CD109: variants seen among roughly 807,000 people sequenced by gnomAD.
The protein encoded by CD109 is CD109 molecule.
A neutral mutation model predicts 165.8 loss-of-function variants in CD109; 149 were observed. The observed-to-expected ratio is 0.90, with a 90% CI of 0.79 to 1.03. CD109 has a LOEUF of 1.03. Among genes scored for constraint, CD109 ranks in the 50% least tolerant of loss-of-function variants. The probability of loss-of-function intolerance (pLI) is 0.00; values close to 1 mark genes in which losing one functional copy is unlikely to be tolerated. For synonymous variants in CD109, 585 were observed against 592.1 expected, an observed-to-expected ratio of 0.99 and a Z score of 0.18; for missense variants, 1,712 against 1,677.8, an observed-to-expected ratio of 1.02 and a Z score of -0.36.
chr6:73,736,864 C>T (rs958986479), intron 5 of CD109, among the ~76,000 whole-genome samples: 2 of 152,180 alleles, frequency 1.3e-5, no homozygotes, highest in Non-Finnish European at 2.9e-5. Context: ...AATAATGACT[C>T]CTAATGAGTG....
rs142754170 is a variant in CD109, at chr6:73,730,111, A to C, written c.277-233A>C. ...AAGGTGACTCCTGCTGAGGGAGAGC[A>C]GTGGGCTATGTGTCCCCCATTCCAG... On this transcript the variant is annotated intron_variant, in intron 3 of 32. Coordinates refer to ENST00000287097, the MANE Select transcript of CD109 (RefSeq NM_133493.5). Among the ~76,000 whole-genome samples the C allele has an allele frequency of 2.3e-3, 347 of 152,318 alleles. 2 individuals are homozygous for C. Among genetic ancestry groups the C allele is most frequent in the Admixed American group, 5.8e-3 (89 of 15,300 alleles).
rs191144108 is a variant in CD109, at chr6:73,765,580, G to C, written c.1108-350G>C. The stretch of plus-strand genomic sequence containing the variant: ...TACAATCACAGAGATGACAAGCTAA[G>C]CAATAGGATTGCTGAGACCTTGGAG... On this transcript the variant is annotated intron_variant, in intron 10 of 32. Transcript: ENST00000287097. Among the ~76,000 whole-genome samples, 258 of 152,202 alleles carry C rather than the reference G, an allele frequency of 1.7e-3. 1 individual carries two copies. Among genetic ancestry groups the C allele is most frequent in the Middle Eastern group, 0.014 (4 of 294 alleles).
intron 23 of CD109, among the ~76,000 whole-genome samples, chr6:73,801,216 G>A (rs924265518): frequency 3.9e-5 from 6 of 152,238 alleles, no homozygotes; most frequent in African/African-American, 1.4e-4. Flanking sequence ...CCTGTTAGCT[G>A]TGTGACCATG....
At chr6:73,760,799 C>T (rs1470174325) in intron 7 of CD109, among the ~76,000 whole-genome samples, 4 of 151,992 alleles carry the variant, frequency 2.6e-5, no homozygotes, top group Non-Finnish European at 5.9e-5. Context: ...GACCCTAGAT[C>T]GCACCACTGC....
chr6:73,782,512 C>T lies in CD109; in HGVS notation c.1964-102C>T, dbSNP rs1774544134. 3.5e-6 allele frequency: 4 copies of T among 1,143,406 alleles called. No homozygotes were observed. The South Asian group carries it at 5.9e-5, about 17-fold the overall frequency. The allele number at this position is 1,143,406 out of a possible 1,614,324, so 70.8% of individuals were successfully genotyped here. On this transcript the variant is annotated intron_variant, in intron 17 of 32. Coordinates refer to ENST00000287097, the MANE Select transcript of CD109 (RefSeq NM_133493.5). Reference sequence around the variant, plus strand: ...TGATACTCTCACTGGCACATTATGTCTCTGGACACCTCAAGTGATTGACAT... The same window carrying T: ...TGATACTCTCACTGGCACATTATGTTTCTGGACACCTCAAGTGATTGACAT...
chr6:73,723,536 A>G (rs1282061235), intron 3 of CD109, among the ~76,000 whole-genome samples: 2 of 152,218 alleles, frequency 1.3e-5, no homozygotes, highest in African/African-American at 4.8e-5. Flanking sequence ...GGCCTGGACT[A>G]TTAGCACAGA....
intron 5 of CD109, among the ~76,000 whole-genome samples, chr6:73,737,966 A>C (rs1772609824): frequency 6.6e-6 from 1 of 151,974 alleles, no homozygotes; most frequent in Admixed American, 6.6e-5. Flanking sequence ...CTATCCACCC[A>C]CCCACCCACC....
intron 2 of CD109, 120 bp downstream of exon 2, chr6:73,697,692 CT>C: frequency 1.4e-6 from 1 of 722,206 alleles, no homozygotes; most frequent in Non-Finnish European, 2.2e-6. Context: ...ACCTAATATA[CT>C]TTTAATTCTC....
chr6:73,740,617 TC>T (rs67792014), intron 5 of CD109, among the ~76,000 whole-genome samples: 42,129 of 146,980 alleles, frequency 0.29, 6,250 homozygotes, highest in Admixed American at 0.34. Flanking sequence ...TTTTTTTTTT[TC>T]GAGACAGAGT....
rs1776272429 is a variant in CD109, at chr6:73,826,215, A to AG, written c.*2583dup. The AG allele has an allele frequency of 6.6e-6, 1 of 152,212 alleles. No homozygotes were observed. Among genetic ancestry groups the AG allele is most frequent in the South Asian group, 2.1e-4 (1 of 4,824 alleles). 9.4% of individuals were successfully genotyped at this position (152,212 alleles called of 1,614,324 possible). ...TGATTAAAATACCACAGGCATAAGGAGAAAAGGAGTATATGTAGTAGTAAT... is the reference window on the plus strand; with the variant it reads ...TGATTAAAATACCACAGGCATAAGGAGGAAAAGGAGTATATGTAGTAGTAAT... On this transcript the variant is annotated 3_prime_UTR_variant, in exon 33 of 33. Transcript: ENST00000287097.
intron 14 of CD109, 36 bp from the exon 15 acceptor site, chr6:73,771,393 G>A (rs557217293): frequency 1.3e-6 from 2 of 1,559,528 alleles, no homozygotes; most frequent in South Asian, 1.2e-5. Context: ...CTTTAAAAAA[G>A]TGAAATAAGT....
chr6:73,807,521 G>A (rs1005479505), intron 25 of CD109, among the ~76,000 whole-genome samples: 1 of 152,154 alleles, frequency 6.6e-6, no homozygotes, highest in Non-Finnish European at 1.5e-5. Flanking sequence ...TGTGTTGAAT[G>A]GGCATGGATG....
intron 3 of CD109, among the ~76,000 whole-genome samples, chr6:73,727,678 A>C (rs1332945929): frequency 6.6e-6 from 1 of 152,142 alleles, no homozygotes; most frequent in East Asian, 1.9e-4. Context: ...CATTAATTTG[A>C]CATCAGTCTT....
chr6:73,723,758 G>A (rs1772040924), intron 3 of CD109, among the ~76,000 whole-genome samples: 1 of 152,110 alleles, frequency 6.6e-6, no homozygotes, highest in Non-Finnish European at 1.5e-5. Context: ...GAGGGAGGGA[G>A]GAGGGAGAGG....
In CD109 at chr6:73,766,787, T is replaced by C. The variant is rs762719367; in HGVS notation, c.1361T>C (p.Met454Thr). The stretch of plus-strand genomic sequence containing the variant: ...TATTTCCTTGGTAGTAAAAGTAGCA[T>C]GGCAGTTCATAGTCTGTTTAAGTCT... ...KAYFLGSKSS[M>T]AVHSLFKSPS... is the part of the protein sequence containing the mutation. Residue 454 changes from methionine to threonine, a missense_variant, in exon 12 of 33, where the codon ATG (methionine) becomes ACG (threonine). By Grantham distance (81) the Met-to-Thr change is moderately conservative (BLOSUM62 -1). Coordinates refer to ENST00000287097, the MANE Select transcript of CD109 (RefSeq NM_133493.5). 1.2e-6 allele frequency: 2 copies of C among 1,612,920 alleles called. No homozygotes were observed. The highest frequency in any genetic ancestry group is 2.2e-5 in the East Asian group (1 of 44,772).
At chr6:73,788,376 A>G in intron 21 of CD109, 92 bp from the exon 22 acceptor site, 1 of 1,113,426 alleles carries the variant, frequency 9.0e-7, no homozygotes, top group Non-Finnish European at 1.3e-6. Flanking sequence ...CCTCAGACAC[A>G]ACAGGTCAGA....
chr6:73,745,222 C>T (rs1344570383), intron 5 of CD109, among the ~76,000 whole-genome samples: 1 of 152,154 alleles, frequency 6.6e-6, no homozygotes, highest in Non-Finnish European at 1.5e-5. Flanking sequence ...CTGCCTTAGC[C>T]TCCTGAGTAG....
intron 2 of CD109, among the ~76,000 whole-genome samples, chr6:73,701,109 CT>C (rs138353822): frequency 0.06 from 7,723 of 129,062 alleles, 205 homozygotes; most frequent in African/African-American, 0.086. Context: ...CGATTATGGG[CT>C]TTTTTTTTTT....
chr6:73,806,968 G>T lies in CD109; in HGVS notation c.3085G>T (p.Asp1029Tyr). Residue 1029 changes from aspartate to tyrosine, a missense_variant, in exon 25 of 33, where the codon GAT becomes TAT. By Grantham distance (160) the Asp-to-Tyr change is radical (BLOSUM62 -3). Coordinates refer to ENST00000287097, the MANE Select transcript of CD109 (RefSeq NM_133493.5). ...GHQKSNGEFW[D>Y]PGRVIHSELQ... ...TCAGAAATCCAACGGTGAATTTTGG[G>T]ATCCAGGAAGAGTGATTCATAGTGA... 5.0e-6 allele frequency: 8 copies of T among 1,613,992 alleles called. No homozygotes were observed. The highest frequency in any genetic ancestry group is 2.2e-5 in the South Asian group (2 of 91,072).
Sources: allele counts gnomAD v4.1 joint callset (sites outside exome capture counted in the v4.1 genomes callset), GRCh38; gene constraint gnomAD v4.1.1; transcripts MANE v1.5; gene names NCBI Gene and HGNC (gene_info 2026-07-23, HGNC 2026-07-21).